GALNTL6: variants seen among roughly 807,000 people sequenced by gnomAD.
GALNTL6 encodes polypeptide N-acetylgalactosaminyltransferase like 6.
Under a neutral mutation model 73.7 loss-of-function variants are expected in GALNTL6, and 46 were observed. That is an observed-to-expected ratio of 0.62 (90% confidence interval 0.49 to 0.80). The LOEUF is 0.80. GALNTL6 is among the 30% of genes least tolerant of loss of function. The probability of loss-of-function intolerance (pLI) is 0.00; values close to 1 mark genes in which losing one functional copy is unlikely to be tolerated. For synonymous variants in GALNTL6, 259 were observed against 263.7 expected (o/e 0.98, Z 0.17); for missense variants, 604 against 755.0 (o/e 0.80, Z 2.34).
At position 173,040,193 on chromosome 4, in the gene GALNTL6, C is replaced by T. The variant is rs1040044574; in HGVS notation, c.*93C>T. 9 of 968,466 alleles carry T rather than the reference C, an allele frequency of 9.3e-6. No individual in the cohort carries two copies. The highest frequency in any genetic ancestry group is 5.0e-5 in the Admixed American group (2 of 40,070). The allele number at this position is 968,466 out of a possible 1,614,324, so 60.0% of individuals were successfully genotyped here. ...GAAGGAGTCAGGAATAACATTTCCTCGATCCAGGAAGGCTGGTTTAAAAAT... is the reference window on the plus strand; with the variant it reads ...GAAGGAGTCAGGAATAACATTTCCTTGATCCAGGAAGGCTGGTTTAAAAAT... On this transcript the variant is annotated 3_prime_UTR_variant, in exon 13 of 13. Transcript: ENST00000506823.
intron 5 of GALNTL6, among the ~76,000 whole-genome samples, chr4:172,376,171 G>T (rs1743023036): frequency 6.6e-6 from 1 of 152,168 alleles, no homozygotes; most frequent in Non-Finnish European, 1.5e-5. Flanking sequence ...GAATCCTGGA[G>T]TTTATACTAG....
intron 2 of GALNTL6, among the ~76,000 whole-genome samples, chr4:171,987,219 T>A (rs1740124173): frequency 6.6e-6 from 1 of 152,138 alleles, no homozygotes; most frequent in Non-Finnish European, 1.5e-5. Flanking sequence ...GTGGCTGAGC[T>A]TGGTGAGGTG....
Position 171,829,208 on chromosome 4 carries a change from C to T in GALNTL6, c.138+14490C>T, listed in dbSNP as rs909559047. Among the ~76,000 whole-genome samples, 74 of 152,200 alleles carry T rather than the reference C, an allele frequency of 4.9e-4. 1 individual carries two copies. The highest frequency in any genetic ancestry group is 1.2e-3 in the Admixed American group (19 of 15,270). ...GTCTTTCTTGAATTCATCCACGTCT[C>T]GTTACACCCCTTGTGAGTGTCCTAG... On this transcript the variant is annotated intron_variant, in intron 2 of 12. Transcript: ENST00000506823.
At chr4:171,984,303 A>G (rs1740000595) in intron 2 of GALNTL6, among the ~76,000 whole-genome samples, 1 of 152,188 alleles carries the variant, frequency 6.6e-6, no homozygotes, top group Non-Finnish European at 1.5e-5. Flanking sequence ...AAACTAGCTT[A>G]GAGGAAACAG....
intron 2 of GALNTL6, among the ~76,000 whole-genome samples, chr4:172,137,202 A>G: frequency 6.6e-6 from 1 of 152,248 alleles, no homozygotes; most frequent in South Asian, 2.1e-4. Flanking sequence ...ATACTTATAT[A>G]AATTTAATAC....
intron 5 of GALNTL6, among the ~76,000 whole-genome samples, chr4:172,464,967 G>A (rs921646739): frequency 2.6e-5 from 4 of 151,968 alleles, no homozygotes; most frequent in African/African-American, 9.7e-5. Context: ...ATGAACCCAA[G>A]GAGGCATAGA....
chr4:172,700,610 A>G (rs577475750), intron 5 of GALNTL6, among the ~76,000 whole-genome samples: 52 of 152,234 alleles, frequency 3.4e-4, no homozygotes, highest in Middle Eastern at 3.4e-3. Context: ...ACAATCAGCC[A>G]TCCAGTGGAC....
At chr4:172,967,867 G>A (rs1375520907) in intron 10 of GALNTL6, among the ~76,000 whole-genome samples, 4 of 152,136 alleles carry the variant, frequency 2.6e-5, no homozygotes, top group African/African-American at 4.8e-5. Flanking sequence ...AAGAATAACG[G>A]GGGACTACTG....
intron 5 of GALNTL6, among the ~76,000 whole-genome samples, chr4:172,534,181 G>A (rs1735264954): frequency 6.6e-6 from 1 of 152,170 alleles, no homozygotes; most frequent in South Asian, 2.1e-4. Flanking sequence ...AGCTGGGATT[G>A]TTAAACACCA....
chr4:171,896,395 A>G (rs1736919037), intron 2 of GALNTL6, among the ~76,000 whole-genome samples: 1 of 152,214 alleles, frequency 6.6e-6, no homozygotes, highest in Non-Finnish European at 1.5e-5. Flanking sequence ...TGGTGCCTAG[A>G]TTTCTGTATT....
At position 172,315,169 on chromosome 4, in the gene GALNTL6, C is replaced by T. The variant is rs1217958571; in HGVS notation, c.386+3417C>T. On this transcript the variant is annotated intron_variant, in intron 4 of 12. Coordinates refer to ENST00000506823, the MANE Select transcript of GALNTL6 (RefSeq NM_001034845.3). ...ATGCTCTTAACATCTCTCTATCTTA[C>T]AAATTGTTTCAGCTTCTTACACTAT... is the stretch of plus-strand genomic sequence containing the variant. Among the ~76,000 whole-genome samples the T allele has an allele frequency of 2.6e-5, 4 of 152,202 alleles. No homozygotes were observed. The East Asian group carries it at 7.7e-4, about 29-fold the overall frequency.
At chr4:172,218,325 A>G (rs72998362) in intron 2 of GALNTL6, among the ~76,000 whole-genome samples, 1 of 152,038 alleles carries the variant, frequency 6.6e-6, no homozygotes, top group Non-Finnish European at 1.5e-5. Context: ...CCCTCTAGGC[A>G]TATTTTACAA....
intron 2 of GALNTL6, among the ~76,000 whole-genome samples, chr4:172,196,006 GTTT>G (rs147919669): frequency 0.031 from 3,884 of 127,202 alleles, 51 homozygotes; most frequent in Non-Finnish European, 0.035. Context: ...CAGGAGCTGG[GTTT>G]TTTTTTTTTT....
chr4:172,082,230 G>C (rs931355650), intron 2 of GALNTL6, among the ~76,000 whole-genome samples: 1 of 152,130 alleles, frequency 6.6e-6, no homozygotes, highest in African/African-American at 2.4e-5. Context: ...CTATGGGGAA[G>C]GAATGAAAGG....
At chr4:171,930,036 C>T (rs9998139) in intron 2 of GALNTL6, among the ~76,000 whole-genome samples, 36,224 of 152,174 alleles carry the variant, frequency 0.24, 4,680 homozygotes, top group African/African-American at 0.34. Context: ...ACCCCACCCC[C>T]GCTAGTCCCT....
chr4:172,645,554 G>T (rs780590761), intron 5 of GALNTL6, among the ~76,000 whole-genome samples: 2 of 151,794 alleles, frequency 1.3e-5, no homozygotes, highest in Non-Finnish European at 2.9e-5. Flanking sequence ...CCATTGGAAA[G>T]ATTTTTCTTT....
chr4:172,830,048 G>T (rs1324465492), intron 7 of GALNTL6, among the ~76,000 whole-genome samples: 3 of 151,944 alleles, frequency 2.0e-5, no homozygotes. Context: ...CTCATCTGAG[G>T]TCACACCATA....
intron 5 of GALNTL6, among the ~76,000 whole-genome samples, chr4:172,647,496 T>C (rs1160960976): frequency 1.3e-5 from 2 of 151,844 alleles, no homozygotes; most frequent in Non-Finnish European, 2.9e-5. Flanking sequence ...AGAGTAAAAA[T>C]GGTGGTTTCT....
chr4:172,883,917 A>G (rs559248897), intron 8 of GALNTL6, among the ~76,000 whole-genome samples: 3 of 152,004 alleles, frequency 2.0e-5, no homozygotes, highest in Non-Finnish European at 4.4e-5. Context: ...TATTTCACTT[A>G]AAATAATGAC....
Sources: gnomAD v4.1 joint callset for allele counts (sites outside exome capture counted in the v4.1 genomes callset) on GRCh38, gnomAD v4.1.1 for gene constraint, MANE v1.5 for transcripts, NCBI Gene and HGNC (gene_info 2026-07-23, HGNC 2026-07-21) for gene names.